LOC128092253: variants seen among roughly 807,000 people sequenced by gnomAD.
At chr6:133,967,181 G>C in the LOC128092253 span, among the ~76,000 whole-genome samples, 3 of 152,102 alleles carry the variant, frequency 2.0e-5, no homozygotes, top group African/African-American at 4.8e-5. Context: ...TTCACTACCA[G>C]GTCCCTATCC....
the LOC128092253 span, among the ~76,000 whole-genome samples, chr6:133,957,114 T>C: frequency 1.3e-5 from 2 of 152,200 alleles, no homozygotes; most frequent in Non-Finnish European, 2.9e-5. Flanking sequence ...GAGAATTTGG[T>C]TTAAATGGCT....
At chr6:133,959,095 G>A in the LOC128092253 span, among the ~76,000 whole-genome samples, 14 of 151,848 alleles carry the variant, frequency 9.2e-5, no homozygotes, top group East Asian at 1.9e-4. Context: ...ACTGGAGTGC[G>A]GTGGTGGCAT....
the LOC128092253 span, among the ~76,000 whole-genome samples, chr6:133,971,996 T>G: frequency 6.6e-6 from 1 of 152,298 alleles, no homozygotes; most frequent in African/African-American, 2.4e-5. Context: ...ACAGCATTTT[T>G]TGGTGCTAAA....
chr6:133,973,033 G>A, the LOC128092253 span, among the ~76,000 whole-genome samples: 5 of 152,136 alleles, frequency 3.3e-5, no homozygotes, highest in African/African-American at 9.7e-5. Context: ...AAACAGATAC[G>A]AAAGAACATC....
chr6:133,968,440 C>CT, the LOC128092253 span, among the ~76,000 whole-genome samples: 1 of 152,178 alleles, frequency 6.6e-6, no homozygotes, highest in Non-Finnish European at 1.5e-5. Flanking sequence ...GTAAAATACA[C>CT]TTTTTTCCTT....
chr6:133,969,091 A>G, the LOC128092253 span: 1 of 152,180 alleles, frequency 6.6e-6, no homozygotes, highest in Non-Finnish European at 1.5e-5. Flanking sequence ...ATATTGCAAA[A>G]TATTTCATTT....
chr6:133,969,437 A>C, the LOC128092253 span, among the ~76,000 whole-genome samples: 1 of 152,082 alleles, frequency 6.6e-6, no homozygotes, highest in African/African-American at 2.4e-5. Flanking sequence ...GAATATCTAG[A>C]TTGAGTCTCA....
chr6:133,966,123 G>T, the LOC128092253 span, among the ~76,000 whole-genome samples: 1 of 152,116 alleles, frequency 6.6e-6, no homozygotes, highest in South Asian at 2.1e-4. Context: ...TGTGTGTGTC[G>T]TGTGGGTGTG....
chr6:133,962,343 T>C, the LOC128092253 span, among the ~76,000 whole-genome samples: 1 of 152,196 alleles, frequency 6.6e-6, no homozygotes, highest in Admixed American at 6.5e-5. Flanking sequence ...CAGAGAGTTC[T>C]ATTAGAAGCC....
At chr6:133,958,076 T>A in the LOC128092253 span, among the ~76,000 whole-genome samples, 1 of 152,230 alleles carries the variant, frequency 6.6e-6, no homozygotes, top group Non-Finnish European at 1.5e-5. Flanking sequence ...CATCTGGTTA[T>A]CACTGATGGC....
chr6:133,964,057 G>T, the LOC128092253 span, among the ~76,000 whole-genome samples: 1 of 151,924 alleles, frequency 6.6e-6, no homozygotes, highest in Non-Finnish European at 1.5e-5. Flanking sequence ...AAGAACCAAT[G>T]TTCCAATCAG....
At chr6:133,974,240 G>A in the LOC128092253 span, among the ~76,000 whole-genome samples, 1 of 152,170 alleles carries the variant, frequency 6.6e-6, no homozygotes, top group African/African-American at 2.4e-5. Flanking sequence ...ATATAAGACT[G>A]TACTGTATTT....
At chr6:133,959,242 G>A in the LOC128092253 span, among the ~76,000 whole-genome samples, 27 of 152,122 alleles carry the variant, frequency 1.8e-4, no homozygotes, top group Non-Finnish European at 3.4e-4. Context: ...GTTTCCCCAT[G>A]TTGGCCAGGC....
chr6:133,966,002 A>T, the LOC128092253 span, among the ~76,000 whole-genome samples: 2 of 152,204 alleles, frequency 1.3e-5, no homozygotes, highest in Non-Finnish European at 2.9e-5. Context: ...CCACAGTCAT[A>T]TGGCTAATAA....
the LOC128092253 span, among the ~76,000 whole-genome samples, chr6:133,979,311 A>G: frequency 6.6e-6 from 1 of 152,188 alleles, no homozygotes; most frequent in Non-Finnish European, 1.5e-5. Context: ...GCTGCTTTAA[A>G]CTTAAGTCAG....
chr6:133,960,798 C>G, the LOC128092253 span, among the ~76,000 whole-genome samples: 2 of 152,168 alleles, frequency 1.3e-5, no homozygotes, highest in East Asian at 3.9e-4. Flanking sequence ...GTGGAATTAG[C>G]TGTAGGCTAT....
the LOC128092253 span, among the ~76,000 whole-genome samples, chr6:133,972,589 A>G: frequency 6.6e-6 from 1 of 152,194 alleles, no homozygotes; most frequent in Admixed American, 6.5e-5. Context: ...ACACACGGGC[A>G]TGGCTGTGTT....
chr6:133,969,652 G>T, the LOC128092253 span, among the ~76,000 whole-genome samples: 84 of 152,146 alleles, frequency 5.5e-4, 2 homozygotes, highest in African/African-American at 1.9e-3. Context: ...TCTTCATGTG[G>T]CTAGACTATA....
the LOC128092253 span, among the ~76,000 whole-genome samples, chr6:133,960,613 G>A: frequency 6.6e-6 from 1 of 152,098 alleles, no homozygotes; most frequent in Non-Finnish European, 1.5e-5. Flanking sequence ...AATTAGAAGA[G>A]TTTCAAATGC....
Sources: gnomAD v4.1 joint callset for allele counts (sites outside exome capture counted in the v4.1 genomes callset) on GRCh38, gnomAD v4.1.1 for gene constraint, MANE v1.5 for transcripts.